XK: variants seen among roughly 807,000 people sequenced by gnomAD.
The protein encoded by XK is endoplasmic reticulum membrane adapter protein XK.
In XK, 2 loss-of-function variants were observed where a neutral mutation model predicts 14.0. That is an observed-to-expected ratio of 0.14 (90% CI 0.06 to 0.45). The LOEUF (loss-of-function observed/expected upper bound fraction) is 0.45, where lower values mean the gene tolerates loss of function less well. Ranked by LOEUF, XK falls within the 20% of genes least tolerant of loss-of-function variation. The pLI, the probability that XK is intolerant of heterozygous loss-of-function variation, is 0.98. For synonymous variants in XK, 149 were observed against 147.5 expected (o/e 1.01, Z -0.08); for missense variants, 235 against 341.5 (o/e 0.69, Z 2.46).
intron 2 of XK, among the ~76,000 whole-genome samples, chrX:37,702,066 G>A (rs1927427867): frequency 1.8e-5 from 2 of 112,141 alleles, no homozygotes; most frequent in South Asian, 7.4e-4. Flanking sequence ...AGAAACCCAT[G>A]TCCTGGACAC....
chrX:37,701,617 T>G (rs1002181507), intron 2 of XK, among the ~76,000 whole-genome samples: 3 of 112,672 alleles, frequency 2.7e-5, no homozygotes, highest in Non-Finnish European at 5.6e-5. Flanking sequence ...TTTGCTCATG[T>G]GTAAAATAGC....
Position 37,711,495 on chromosome X carries a change from C to A in XK, c.509-16141C>A, listed in dbSNP as rs190491828. Among the ~76,000 whole-genome samples the A allele has an allele frequency of 3.6e-5, 4 of 112,575 alleles. No individual in the cohort carries two copies. The East Asian group carries it at 1.1e-3, about 32-fold the overall frequency. ...GGTAGTTGATGGATAAGACTTCAGC[C>A]TCTCTGTCCTTTAGATGGATAATTT... On this transcript the variant is annotated intron_variant, in intron 2 of 2. Coordinates refer to ENST00000378616, the MANE Select transcript of XK (RefSeq NM_021083.4).
At chrX:37,710,835 A>C (rs782573640) in intron 2 of XK, among the ~76,000 whole-genome samples, 1 of 111,858 alleles carries the variant, frequency 8.9e-6, no homozygotes, top group East Asian at 2.8e-4. Flanking sequence ...GGAGTTGAAA[A>C]ATAATAAGAC....
chrX:37,718,144 C>A lies in XK; in HGVS notation c.509-9492C>A, dbSNP rs28998776. On this transcript the variant is annotated intron_variant, in intron 2 of 2. Coordinates refer to ENST00000378616, the MANE Select transcript of XK (RefSeq NM_021083.4). ...CATAAGGGCAAATCTTGATTTATCA[C>A]AAAGTAAACTTACTCATGTAGTTCT... Among the ~76,000 whole-genome samples the A allele has an allele frequency of 9.6e-3, 1,074 of 111,440 alleles. 9 individuals carry two copies. The highest frequency in any genetic ancestry group is 0.015 in the Non-Finnish European group (808 of 52,818).
chrX:37,705,930 T>TC (rs1229818061), intron 2 of XK, among the ~76,000 whole-genome samples: 1 of 108,474 alleles, frequency 9.2e-6, no homozygotes, highest in African/African-American at 3.4e-5. Context: ...TTTTTTTTTT[T>TC]TTTTGAGACA....
intron 2 of XK, among the ~76,000 whole-genome samples, chrX:37,699,225 A>C (rs1259258978): frequency 8.9e-6 from 1 of 112,160 alleles, no homozygotes; most frequent in African/African-American, 3.2e-5. Flanking sequence ...GATTGATTGG[A>C]TATGAAGGTG....
chrX:37,726,359 G>A (rs1260705974), intron 2 of XK, among the ~76,000 whole-genome samples: 2 of 112,003 alleles, frequency 1.8e-5, no homozygotes, highest in Non-Finnish European at 3.8e-5. Flanking sequence ...CAGCAGGCAT[G>A]GAAGGGTATT....
Position 37,731,122 on chromosome X carries a change from C to T in XK, c.*2660C>T, listed in dbSNP as rs1928078523. 8.9e-6 allele frequency: 1 copy of T among 112,128 alleles called. No homozygotes were observed. Among genetic ancestry groups the T allele is most frequent in the South Asian group, 3.7e-4 (1 of 2,709 alleles). 9.2% of individuals were successfully genotyped at this position (112,128 alleles called of 1,213,427 possible). A position where few individuals can be genotyped will look rare whatever the true frequency, so the allele number is the denominator to read the frequency against. ...CAAAATTACAGTTCACACTGCAGAG[C>T]TAGGTTGTCCTATTGGCATAAAACA... On this transcript the variant is annotated 3_prime_UTR_variant, in exon 3 of 3. Coordinates refer to ENST00000378616, the MANE Select transcript of XK (RefSeq NM_021083.4).
At chrX:37,712,852 A>C (rs1194983688) in intron 2 of XK, among the ~76,000 whole-genome samples, 1 of 112,383 alleles carries the variant, frequency 8.9e-6, no homozygotes, top group East Asian at 2.8e-4. Context: ...TGCAAGTGTT[A>C]GAATATGCAA....
At chrX:37,714,344 T>A (rs1426267256) in intron 2 of XK, among the ~76,000 whole-genome samples, 1 of 110,796 alleles carries the variant, frequency 9.0e-6, no homozygotes, top group Non-Finnish European at 1.9e-5. Context: ...TAAGTGGGAC[T>A]TTTCCTTTTC....
At chrX:37,697,523 A>T (rs1556442683) in intron 2 of XK, among the ~76,000 whole-genome samples, 1 of 112,072 alleles carries the variant, frequency 8.9e-6, no homozygotes. Context: ...CAGCATTCAA[A>T]TTCTGTAACT....
chrX:37,725,969 G>A (rs1556449913), intron 2 of XK, among the ~76,000 whole-genome samples: 1 of 111,798 alleles, frequency 8.9e-6, no homozygotes, highest in African/African-American at 3.2e-5. Flanking sequence ...ATGAATAGGT[G>A]GAGAACAGAG....
At chrX:37,714,926 A>C (rs1556447481) in intron 2 of XK, among the ~76,000 whole-genome samples, 1 of 110,877 alleles carries the variant, frequency 9.0e-6, no homozygotes, top group African/African-American at 3.3e-5. Flanking sequence ...CCAAAGACTT[A>C]ATGGTTTAAA....
chrX:37,693,650 C>T (rs1309743620), intron 1 of XK, among the ~76,000 whole-genome samples: 6 of 111,601 alleles, frequency 5.4e-5, no homozygotes, highest in African/African-American at 2.0e-4. Context: ...ACTTTAGTCC[C>T]GCCCTGTAAG....
intron 2 of XK, among the ~76,000 whole-genome samples, chrX:37,697,700 G>T (rs1365774612): frequency 8.9e-6 from 1 of 111,786 alleles, no homozygotes; most frequent in Non-Finnish European, 1.9e-5. Flanking sequence ...TCACTACTTT[G>T]GGTGTACAAT....
intron 2 of XK, among the ~76,000 whole-genome samples, chrX:37,704,687 T>C (rs1460659870): frequency 4.5e-5 from 5 of 111,146 alleles, no homozygotes; most frequent in African/African-American, 1.3e-4. Context: ...AATACAAAAT[T>C]AGCTGGGCTT....
At chrX:37,689,269 C>A (rs1256908098) in intron 1 of XK, among the ~76,000 whole-genome samples, 1 of 111,948 alleles carries the variant, frequency 8.9e-6, no homozygotes, top group Non-Finnish European at 1.9e-5. Context: ...AAAAGAAAAG[C>A]AGTTTGTTCT....
At chrX:37,726,722 A>G (rs942732794) in intron 2 of XK, among the ~76,000 whole-genome samples, 8 of 112,121 alleles carry the variant, frequency 7.1e-5, no homozygotes, top group Non-Finnish European at 1.5e-4. Flanking sequence ...CATTACCCAT[A>G]AGTCATTTTA....
At chrX:37,705,408 C>T (rs181079012) in intron 2 of XK, among the ~76,000 whole-genome samples, 1,143 of 108,299 alleles carry the variant, frequency 0.011, 19 homozygotes, top group African/African-American at 0.036. Flanking sequence ...GCCGAGCTCG[C>T]GCCACTGGAC....
Sources: allele counts gnomAD v4.1 joint callset (sites outside exome capture counted in the v4.1 genomes callset), GRCh38; gene constraint gnomAD v4.1.1; transcripts MANE v1.5; gene names NCBI Gene and HGNC (gene_info 2026-07-23, HGNC 2026-07-21).